The following BAG1 variants were observed in gnomAD, a reference collection of about 807,000 sequenced individuals.
BAG1 encodes the protein BAG family molecular chaperone regulator 1.
In BAG1, 35 loss-of-function variants were observed where a neutral mutation model predicts 35.5. The observed-to-expected ratio is 0.99, with a 90% CI of 0.75 to 1.31. The LOEUF (loss-of-function observed/expected upper bound fraction) is 1.31. Ranked by LOEUF, BAG1 falls within the 50% of genes most tolerant of loss-of-function variation. The pLI is 0.00. For synonymous variants in BAG1, 191 were observed against 178.9 expected (o/e 1.07, Z -0.54); for missense variants, 464 against 453.6 (o/e 1.02, Z -0.21).
Position 33,255,187 on chromosome 9 carries a change from T to G in BAG1, c.*32A>C. Reference sequence around the variant, plus strand: ...GACGGCAGAGCTGGTGGCGCCATTCTTCAGGGCAGCACAGCCTTTTTCTGC... The same window carrying G: ...GACGGCAGAGCTGGTGGCGCCATTCGTCAGGGCAGCACAGCCTTTTTCTGC... On this transcript the variant is annotated 3_prime_UTR_variant, in exon 7 of 7. Coordinates refer to ENST00000634734, the MANE Select transcript of BAG1 (RefSeq NM_004323.6). 1 of 1,614,208 alleles carries G rather than the reference T, an allele frequency of 6.2e-7. No individual in the cohort carries two copies. The highest frequency in any genetic ancestry group is 8.5e-7 in the Non-Finnish European group (1 of 1,180,032).
chr9:33,256,500 C>T (rs1820456148), intron 5 of BAG1, among the ~76,000 whole-genome samples: 1 of 152,200 alleles, frequency 6.6e-6, no homozygotes, highest in African/African-American at 2.4e-5. Flanking sequence ...TTTCCTGGAC[C>T]ATGAGATCGT....
chr9:33,259,882 T>C (rs1264948198), intron 3 of BAG1: 1 of 152,260 alleles, frequency 6.6e-6, no homozygotes, highest in African/African-American at 2.4e-5. Context: ...TTTTAAGCCT[T>C]ACCACAACTC....
In BAG1 at chr9:33,261,104, T is replaced by A; in HGVS notation, c.646A>T (p.Met216Leu). The change falls in exon 3 of 7, where the codon ATG (methionine) becomes TTG (leucine). Residue 216 changes from methionine (M) to leucine (L), a missense_variant. Physicochemically the swap from Met to Leu is conservative, Grantham distance 15. Transcript: ENST00000634734. ...CAATTTACCTTTTTCCCAATTAACA[T>A]GACCCGGCAACCATCTTGTATTCCA... 6.2e-7 allele frequency: 1 copy of A among 1,608,622 alleles called. No individual in the cohort carries two copies. The highest frequency in any genetic ancestry group is 1.1e-5 in the South Asian group (1 of 89,654).
chr9:33,263,282 T>G (rs1489602729), intron 1 of BAG1, among the ~76,000 whole-genome samples: 1 of 152,214 alleles, frequency 6.6e-6, no homozygotes, highest in Non-Finnish European at 1.5e-5. Context: ...GACTGCCCTG[T>G]ACCCTGTATT....
rs1820419412 is a variant in BAG1 at position 33,254,939 on chromosome 9, G to A, written c.*280C>T. On this transcript the variant is annotated 3_prime_UTR_variant, in exon 7 of 7. Coordinates refer to ENST00000634734, the MANE Select transcript of BAG1 (RefSeq NM_004323.6). Reference sequence around the variant, plus strand: ...CACCAGCCCAAAGAAAGCACCCAGAGGTCCAAACAGCTGGGAAAATTTGGG... The same window carrying A: ...CACCAGCCCAAAGAAAGCACCCAGAAGTCCAAACAGCTGGGAAAATTTGGG... 8.0e-7 allele frequency: 1 copy of A among 1,250,352 alleles called. No homozygotes were observed. Among genetic ancestry groups the A allele is most frequent in the Admixed American group, 2.7e-5 (1 of 37,116 alleles). 77.5% of individuals were successfully genotyped at this position (1,250,352 alleles called of 1,614,324 possible). A position where few individuals can be genotyped will look rare whatever the true frequency, so the allele number is the denominator to read the frequency against.
chr9:33,255,822 C>T (rs757124844), intron 6 of BAG1, 43 bp downstream of exon 6: 15 of 1,572,920 alleles, frequency 9.5e-6, no homozygotes, highest in Admixed American at 3.3e-5. Context: ...CATACCTACA[C>T]ATTAACATAT....
At position 33,259,048 on chromosome 9, in the gene BAG1, A is replaced by G. The variant is rs983062292; in HGVS notation, c.664-15T>C. The G allele has an allele frequency of 9.4e-6, 15 of 1,604,266 alleles. No individual in the cohort carries two copies. The highest frequency in any genetic ancestry group is 1.3e-5 in the Non-Finnish European group (15 of 1,171,726). ...TGTGGACTGTTCTAAAATGTTTAAGAAGAAAATAAAGCCAATAGTCAAAAA... is the reference window on the plus strand; with the variant it reads ...TGTGGACTGTTCTAAAATGTTTAAGGAGAAAATAAAGCCAATAGTCAAAAA... On this transcript the variant is annotated splice_polypyrimidine_tract_variant and intron_variant, in intron 3 of 6. Transcript: ENST00000634734.
rs1383993030 is a variant in BAG1 at position 33,264,629 on chromosome 9, G to A, written c.46C>T (p.Arg16Trp). 5.9e-6 allele frequency: 8 copies of A among 1,348,756 alleles called. No homozygotes were observed. The East Asian group carries it at 1.5e-4, about 26-fold the overall frequency. The allele number at this position is 1,348,756 out of a possible 1,614,324, so 83.5% of individuals were successfully genotyped here. Residue 16 changes from arginine to tryptophan, a missense_variant, in exon 1 of 7, where the codon CGG becomes TGG. Arg to Trp is a moderately radical substitution (Grantham distance 101, BLOSUM62 -3). Transcript: ENST00000634734. ...AGGGCGCGCAGCCGGGAACCCAGCC[G>A]CTCCCGGTCGCCTCGCGGTCTCCGC...
At position 33,254,912 on chromosome 9, in the gene BAG1, CT is replaced by C. The variant is rs1402000227; in HGVS notation, c.*306del. ...AACTGGCCCAAGGCAAATTAGAGCT[CT>C]CACCAGCCCAAAGAAAGCACCCAGA... On this transcript the variant is annotated 3_prime_UTR_variant, in exon 7 of 7. Coordinates refer to ENST00000634734, the MANE Select transcript of BAG1 (RefSeq NM_004323.6). The C allele has an allele frequency of 9.0e-6, 9 of 1,001,274 alleles. No homozygotes were observed. The African/African-American group carries it at 1.5e-4, about 17-fold the overall frequency. 62.0% of individuals were successfully genotyped at this position (1,001,274 alleles called of 1,614,324 possible). A position where few individuals can be genotyped will look rare whatever the true frequency, so the allele number is the denominator to read the frequency against.
At chr9:33,255,386 C>A in intron 6 of BAG1, 78 bp from the exon 7 acceptor site, 1 of 1,602,006 alleles carries the variant, frequency 6.2e-7, no homozygotes. Flanking sequence ...CTTGCTTACC[C>A]ATTCTGGGGA....
Position 33,264,266 on chromosome 9 carries a change from C to T in BAG1, c.409G>A (p.Glu137Lys), listed in dbSNP as rs772510502. Residue 137 changes from glutamate (E) to lysine (K), a missense_variant, in exon 1 of 7, where the codon GAG becomes AAG. Glu to Lys is a moderately conservative substitution (Grantham distance 56). Coordinates refer to ENST00000634734, the MANE Select transcript of BAG1 (RefSeq NM_004323.6). ...GTGAGCCCAGCTGCCGCCATTTCCT[C>T]CCTGGTCACCTCCTCGCTCCGGGTC... 4 of 1,613,502 alleles carry T rather than the reference C, an allele frequency of 2.5e-6. No individual in the cohort carries two copies. The highest frequency in any genetic ancestry group is 1.6e-4 in the Middle Eastern group (1 of 6,062).
At chr9:33,259,126 C>T (rs113908230) in intron 3 of BAG1, 93 bp from the exon 4 acceptor site, 123 of 921,876 alleles carry the variant, frequency 1.3e-4, no homozygotes, top group African/African-American at 1.8e-4. Flanking sequence ...TTTGGGAGGC[C>T]GAGATGGGCA....
chr9:33,254,916 C>A lies in BAG1; in HGVS notation c.*303G>T. On this transcript the variant is annotated 3_prime_UTR_variant, in exon 7 of 7. Transcript: ENST00000634734. ...GGCCCAAGGCAAATTAGAGCTCTCA[C>A]CAGCCCAAAGAAAGCACCCAGAGGT... 2.9e-6 allele frequency: 3 copies of A among 1,042,650 alleles called. No individual in the cohort carries two copies. The South Asian group carries it at 4.9e-5, about 17-fold the overall frequency. 64.6% of individuals were successfully genotyped at this position (1,042,650 alleles called of 1,614,324 possible).
chr9:33,261,378 T>C lies in BAG1; in HGVS notation c.581-209A>G, dbSNP rs928548215. On this transcript the variant is annotated intron_variant, in intron 2 of 6. Transcript: ENST00000634734. ...CTCCACAGTAACTACTATACGATAA[T>C]ATTCAGTGCAACCTTTTCATAATAG... Among the ~76,000 whole-genome samples the C allele has an allele frequency of 5.9e-5, 9 of 152,194 alleles. No individual in the cohort carries two copies. In the East Asian group the frequency reaches 1.3e-3, roughly 23 times the overall value.
intron 1 of BAG1, 103 bp from the exon 2 acceptor site, chr9:33,262,933 C>A: frequency 1.3e-6 from 2 of 1,486,434 alleles, no homozygotes; most frequent in South Asian, 1.3e-5. Flanking sequence ...AGGCCCAGCT[C>A]ATATGCCACC....
rs760925593 is a variant in BAG1, at chr9:33,264,269, T to G, written c.406A>C (p.Arg136=). The G allele has an allele frequency of 1.5e-5, 25 of 1,613,528 alleles. No individual in the cohort carries two copies. In the South Asian group the frequency reaches 2.4e-4, roughly 16 times the overall value. The change falls in exon 1 of 7, where the codon AGG becomes CGG. Residue 136 remains arginine, a synonymous_variant. Transcript: ENST00000634734. The stretch of plus-strand genomic sequence containing the variant: ...AGCCCAGCTGCCGCCATTTCCTCCC[T>G]GGTCACCTCCTCGCTCCGGGTCGAC...
intron 1 of BAG1, 116 bp downstream of exon 1, chr9:33,264,108 T>G (rs535872604): frequency 1.2e-5 from 15 of 1,262,164 alleles, no homozygotes; most frequent in Middle Eastern, 5.1e-4. Flanking sequence ...AACCCACGCT[T>G]CCGGACGCCA....
chr9:33,256,988 C>T (rs1820469335), intron 4 of BAG1, 80 bp from the exon 5 acceptor site: 1 of 1,041,628 alleles, frequency 9.6e-7, no homozygotes, highest in Non-Finnish European at 1.5e-6. Flanking sequence ...ATGATGCAAT[C>T]ACACTGAGCC....
At chr9:33,255,800 C>T in intron 6 of BAG1, 65 bp downstream of exon 6, 1 of 1,535,978 alleles carries the variant, frequency 6.5e-7, no homozygotes, top group South Asian at 1.1e-5. Context: ...TGATTTTGAA[C>T]AGATAAACAC....
Sources: allele counts gnomAD v4.1 joint callset (sites outside exome capture counted in the v4.1 genomes callset), GRCh38; gene constraint gnomAD v4.1.1; transcripts MANE v1.5; gene names NCBI Gene and HGNC (gene_info 2026-07-23, HGNC 2026-07-21).